The following DGKH variants were observed in gnomAD, a reference collection of about 807,000 sequenced individuals.
DGKH encodes the protein diacylglycerol kinase eta.
In DGKH, 90 loss-of-function variants were observed where a neutral mutation model predicts 159.3. The ratio of observed to expected loss-of-function variants is 0.57; its 90% CI spans 0.48 to 0.67. DGKH has a LOEUF of 0.67. Ranked by LOEUF, DGKH falls within the 30% of genes least tolerant of loss-of-function variation. The pLI is 0.00. For missense variants in DGKH, 1,181 were observed against 1,506.1 expected (o/e 0.78, Z 3.57); for synonymous variants, 536 against 553.8 (o/e 0.97, Z 0.45).
chr13:42,070,967 C>A, intron 1 of DGKH: 1 of 1,314,646 alleles, frequency 7.6e-7, no homozygotes, highest in South Asian at 1.2e-5. Flanking sequence ...ACTCTTTTGT[C>A]ACAATCATTG....
downstream of DGKH, among the ~76,000 whole-genome samples, chr13:42,247,372 C>A (rs180865): frequency 0.36 from 54,236 of 151,444 alleles, 10,077 homozygotes; most frequent in Non-Finnish European, 0.41. Context: ...CTGGGACTAC[C>A]AGTGTGCGCC....
intron 1 of DGKH, among the ~76,000 whole-genome samples, chr13:42,078,103 G>A (rs898317302): frequency 2.0e-5 from 3 of 152,026 alleles, no homozygotes; most frequent in African/African-American, 7.2e-5. Flanking sequence ...TGTTCTTTTT[G>A]CAAATATAAA....
chr13:42,051,168 C>G (rs1034201574), intron 1 of DGKH, among the ~76,000 whole-genome samples: 10 of 152,196 alleles, frequency 6.6e-5, no homozygotes, highest in Admixed American at 5.2e-4. Context: ...TTAGCACATA[C>G]ATTTTGCCAT....
At position 42,209,673 on chromosome 13, in the gene DGKH, A is replaced by G. The variant is rs948651298; in HGVS notation, c.2850+208A>G. Among the ~76,000 whole-genome samples, 3 of 152,224 alleles carry G rather than the reference A, an allele frequency of 2.0e-5. No individual in the cohort carries two copies. In the East Asian group the frequency reaches 5.8e-4, roughly 29 times the overall value. On this transcript the variant is annotated intron_variant, in intron 23 of 29. Coordinates refer to ENST00000337343, the MANE Select transcript of DGKH (RefSeq NM_178009.5). ...TTAGGTTTACAGAAAAACTGGGCAG[A>G]AAGTAAAGAGAATTCGAATTACGTT... is the stretch of plus-strand genomic sequence containing the variant.
intron 11 of DGKH, among the ~76,000 whole-genome samples, chr13:42,172,643 T>C (rs964583882): frequency 6.6e-6 from 1 of 152,198 alleles, no homozygotes; most frequent in Non-Finnish European, 1.5e-5. Flanking sequence ...ACTGCTTTTA[T>C]TATGCTTTGT....
intron 26 of DGKH, among the ~76,000 whole-genome samples, chr13:42,215,912 C>G (rs4619294): frequency 0.26 from 38,807 of 152,090 alleles, 5,300 homozygotes; most frequent in Non-Finnish European, 0.31. Context: ...TTAGGCAGCC[C>G]TGCTCTGCCC....
At chr13:42,223,144 A>T (rs1268131497) in intron 29 of DGKH, among the ~76,000 whole-genome samples, 4 of 152,214 alleles carry the variant, frequency 2.6e-5, no homozygotes, top group Non-Finnish European at 5.9e-5. Flanking sequence ...TTTCACAGAA[A>T]GAGTCTTCTG....
chr13:42,081,794 C>T (rs1028736172), intron 1 of DGKH, among the ~76,000 whole-genome samples: 1 of 152,138 alleles, frequency 6.6e-6, no homozygotes, highest in African/African-American at 2.4e-5. Flanking sequence ...TGAAATAGCT[C>T]TTTCTCCAAG....
chr13:42,126,328 C>T (rs1008428237), intron 1 of DGKH, among the ~76,000 whole-genome samples: 4 of 151,956 alleles, frequency 2.6e-5, no homozygotes, highest in South Asian at 2.1e-4. Context: ...GTGTGAAACA[C>T]GCAGTTACTC....
In DGKH at chr13:42,201,003, A is replaced by ATTTATTTT. The variant is rs1555274853; in HGVS notation, c.2493+1097_2493+1098insATTTTTTT. ...ATTCTTTTTATTTATTTATTTATTTATTTTTTTGAGATGGAGTCTCGCTCT... is the reference window on the plus strand; with the variant it reads ...ATTCTTTTTATTTATTTATTTATTTATTTATTTTTTTTTTTGAGATGGAGTCTCGCTCT... On this transcript the variant is annotated intron_variant, in intron 20 of 29. Coordinates refer to ENST00000337343, the MANE Select transcript of DGKH (RefSeq NM_178009.5). Among the ~76,000 whole-genome samples, 8 of 151,282 alleles carry ATTTATTTT rather than the reference A, an allele frequency of 5.3e-5. No homozygotes were observed. The East Asian group carries it at 1.4e-3, about 26-fold the overall frequency.
intron 11 of DGKH, among the ~76,000 whole-genome samples, chr13:42,171,524 A>G (rs1000649968): frequency 2.0e-5 from 3 of 152,228 alleles, no homozygotes; most frequent in African/African-American, 7.2e-5. Flanking sequence ...TGGAGGGTGC[A>G]AGGAACTCAG....
Position 42,166,631 on chromosome 13 carries a change from C to A in DGKH, c.1075C>A (p.Pro359Thr). Residue 359 changes from proline to threonine, a missense_variant, in exon 9 of 30, where the codon CCG (proline) becomes ACG (threonine). Coordinates refer to ENST00000337343, the MANE Select transcript of DGKH (RefSeq NM_178009.5). The part of the protein sequence containing the change: ...FLRRFKQLLN[P>T]AQVFDLMNGG... The stretch of plus-strand genomic sequence containing the variant: ...CCGTCGCTTTAAACAGTTGCTAAAT[C>A]CGGCTCAGGTGTTTGATTTAATGAA... 1 of 1,605,370 alleles carries A rather than the reference C, an allele frequency of 6.2e-7. No individual in the cohort carries two copies.
Position 42,116,643 on chromosome 13 carries a change from G to A in DGKH, c.193-10820G>A, listed in dbSNP as rs75976360. ...TAGCTTTACAAAAGGCTCATCGAAG[G>A]GCTGTTTTTAAAGTTGCATTCTCCT... On this transcript the variant is annotated intron_variant, in intron 1 of 29. Transcript: ENST00000337343. 2.6e-3 allele frequency among the ~76,000 whole-genome samples: 389 copies of A among 152,280 alleles called. 3 individuals carry two copies. The highest frequency in any genetic ancestry group is 9.1e-3 in the African/African-American group (377 of 41,550).
chr13:42,137,574 T>G (rs904993813), intron 3 of DGKH, among the ~76,000 whole-genome samples: 1 of 152,206 alleles, frequency 6.6e-6, no homozygotes, highest in Non-Finnish European at 1.5e-5. Context: ...TAAATAAATG[T>G]GGTTTAGGTA....
At chr13:42,142,506 T>C (rs376960769) in intron 3 of DGKH, among the ~76,000 whole-genome samples, 18,559 of 151,074 alleles carry the variant, frequency 0.12, 1,455 homozygotes, top group Admixed American at 0.21. Flanking sequence ...ATTTTCATGA[T>C]ATTGATTCTT....
chr13:42,175,431 ACAT>A (rs1956575007), intron 12 of DGKH, among the ~76,000 whole-genome samples: 2 of 152,172 alleles, frequency 1.3e-5, no homozygotes, highest in South Asian at 4.1e-4. Flanking sequence ...GATTCCATAA[ACAT>A]AACACATTTT....
chr13:42,133,199 A>C (rs1439613685), intron 3 of DGKH, among the ~76,000 whole-genome samples: 4 of 150,126 alleles, frequency 2.7e-5, no homozygotes, highest in African/African-American at 9.8e-5. Context: ...TTTTTTTACT[A>C]TTTATTTTTA....
At chr13:42,151,613 A>ACACACACACC (rs1555266645) in intron 3 of DGKH, among the ~76,000 whole-genome samples, 2 of 111,934 alleles carry the variant, frequency 1.8e-5, no homozygotes, top group Non-Finnish European at 3.6e-5. Context: ...ACACACACAC[A>ACACACACACC]CCCCATGGAA....
At chr13:42,113,993 A>G (rs1449917418) in intron 1 of DGKH, among the ~76,000 whole-genome samples, 1 of 152,162 alleles carries the variant, frequency 6.6e-6, no homozygotes, top group Non-Finnish European at 1.5e-5. Context: ...GGAAGGATAG[A>G]AAATCTACTG....
Sources: gnomAD v4.1 joint callset for allele counts (sites outside exome capture counted in the v4.1 genomes callset) on GRCh38, gnomAD v4.1.1 for gene constraint, MANE v1.5 for transcripts, NCBI Gene and HGNC (gene_info 2026-07-23, HGNC 2026-07-21) for gene names.